Variants in CYP27A1 observed in about 807,000 individuals in gnomAD.
The protein encoded by CYP27A1 is cytochrome P450 family 27 subfamily A member 1.
CYP27A1 carries 46 observed loss-of-function variants against 58.2 expected under a neutral mutation model. That is an observed-to-expected ratio of 0.79 (90% CI 0.62 to 1.01). CYP27A1 has a LOEUF of 1.01. Among genes scored for constraint, CYP27A1 ranks in the 50% least tolerant of loss-of-function variants. The probability of loss-of-function intolerance (pLI) is 0.00; values close to 1 mark genes in which losing one functional copy is unlikely to be tolerated. For synonymous variants in CYP27A1, 274 were observed against 285.1 expected (o/e 0.96, Z 0.39); for missense variants, 704 against 687.0 (o/e 1.02, Z -0.28).
chr2:218,806,951 A>ATTTTTTT (rs10647379), intron 1 of CYP27A1, among the ~76,000 whole-genome samples: 17 of 100,496 alleles, frequency 1.7e-4, no homozygotes, highest in Non-Finnish European at 2.2e-4. Flanking sequence ...CTCCTAGGGA[A>ATTTTTTT]TTTTTTTTTT....
intron 1 of CYP27A1, among the ~76,000 whole-genome samples, chr2:218,786,659 C>T (rs770075666): frequency 6.6e-5 from 10 of 152,100 alleles, no homozygotes; most frequent in Non-Finnish European, 1.5e-4. Flanking sequence ...TATTCTGTAG[C>T]TCTTTTTGTG....
At chr2:218,813,989 G>T in intron 5 of CYP27A1, 32 bp from the exon 6 acceptor site, 1 of 1,613,514 alleles carries the variant, frequency 6.2e-7, no homozygotes, top group African/African-American at 1.3e-5. Context: ...CCTAGAAATC[G>T]CCCTCACCTG....
In CYP27A1 at chr2:218,812,389, T is replaced by G; in HGVS notation, c.614T>G (p.Met205Arg). The G allele has an allele frequency of 6.2e-7, 1 of 1,614,214 alleles. No individual in the cohort carries two copies. The highest frequency in any genetic ancestry group is 8.5e-7 in the Non-Finnish European group (1 of 1,180,038). Residue 205 changes from methionine to arginine, a missense_variant, in exon 3 of 9, where the codon ATG becomes AGG. By Grantham distance (91) the Met-to-Arg change is moderately conservative. Transcript: ENST00000258415. ...ESASGNQVSDMAQLFYYFALE... is the reference protein window; with the variant it reads ...ESASGNQVSDRAQLFYYFALE... ...GCTTCGGGGAACCAGGTGTCGGACA[T>G]GGCTCAACTCTTCTACTACTTTGCC...
Position 218,801,370 on chromosome 2 carries a change from A to G in CYP27A1, c.256-8207A>G, listed in dbSNP as rs1405979142. Among the ~76,000 whole-genome samples the G allele has an allele frequency of 2.0e-5, 3 of 152,122 alleles. No homozygotes were observed. In the East Asian group the frequency reaches 5.8e-4, roughly 29 times the overall value. On this transcript the variant is annotated intron_variant, in intron 1 of 8. Coordinates refer to ENST00000258415, the MANE Select transcript of CYP27A1 (RefSeq NM_000784.4). The stretch of plus-strand genomic sequence containing the variant: ...AATACAAAAAAATTAGCCAGGCATG[A>G]TGGTGCACACCTGTAATCCCAGCTA...
At chr2:218,800,479 T>C (rs1444970212) in intron 1 of CYP27A1, among the ~76,000 whole-genome samples, 2 of 152,302 alleles carry the variant, frequency 1.3e-5, no homozygotes, top group East Asian at 3.9e-4. Context: ...GCACTTTCTT[T>C]TCCTATAAAA....
At chr2:218,804,276 C>T (rs866009848) in intron 1 of CYP27A1, among the ~76,000 whole-genome samples, 7 of 152,110 alleles carry the variant, frequency 4.6e-5, no homozygotes, top group Non-Finnish European at 1.0e-4. Context: ...ATCCAGTGGT[C>T]CCAGTACCAT....
At chr2:218,811,802 A>G (rs1163924809) in intron 2 of CYP27A1, among the ~76,000 whole-genome samples, 2 of 152,210 alleles carry the variant, frequency 1.3e-5, no homozygotes, top group Non-Finnish European at 2.9e-5. Context: ...ATCAGTCAAT[A>G]TTCACTAAGC....
At chr2:218,799,339 G>C (rs1336900442) in intron 1 of CYP27A1, among the ~76,000 whole-genome samples, 1 of 152,136 alleles carries the variant, frequency 6.6e-6, no homozygotes. Context: ...AGACGGCACA[G>C]GGGGAGGTCA....
At chr2:218,801,647 C>T (rs1943600869) in intron 1 of CYP27A1, among the ~76,000 whole-genome samples, 2 of 152,194 alleles carry the variant, frequency 1.3e-5, no homozygotes, top group Non-Finnish European at 1.5e-5. Context: ...GGTATATCTT[C>T]ATGATATATA....
At chr2:218,792,513 T>C (rs1166832038) in intron 1 of CYP27A1, among the ~76,000 whole-genome samples, 2 of 152,176 alleles carry the variant, frequency 1.3e-5, no homozygotes, top group Non-Finnish European at 2.9e-5. Context: ...TATAACCTTT[T>C]AAAATAATTC....
At chr2:218,797,506 C>G (rs865955395) in intron 1 of CYP27A1, among the ~76,000 whole-genome samples, 1 of 152,178 alleles carries the variant, frequency 6.6e-6, no homozygotes, top group South Asian at 2.1e-4. Context: ...TAAAGAAGAT[C>G]GAACACCATT....
At chr2:218,804,015 G>A (rs765894601) in intron 1 of CYP27A1, among the ~76,000 whole-genome samples, 2 of 152,026 alleles carry the variant, frequency 1.3e-5, no homozygotes, top group Non-Finnish European at 2.9e-5. Flanking sequence ...TTACAGGTGT[G>A]AGCCACCATG....
chr2:218,784,479 T>A (rs775805917), intron 1 of CYP27A1, among the ~76,000 whole-genome samples: 1 of 152,220 alleles, frequency 6.6e-6, no homozygotes, highest in Non-Finnish European at 1.5e-5. Context: ...CATTATAGAT[T>A]AACTTCCTTT....
In CYP27A1 at chr2:218,814,400, C is replaced by A; in HGVS notation, c.1205C>A (p.Thr402Lys). 6.2e-7 allele frequency: 1 copy of A among 1,614,264 alleles called. No homozygotes were observed. The highest frequency in any genetic ancestry group is 2.2e-5 in the East Asian group (1 of 44,888). The change falls in exon 7 of 9, where the codon ACA (threonine) becomes AAA (lysine). Residue 402 changes from threonine (T) to lysine (K), a missense_variant. Thr to Lys is a moderately conservative substitution (Grantham distance 78). Coordinates refer to ENST00000258415, the MANE Select transcript of CYP27A1 (RefSeq NM_000784.4). ...ETLRLYPVVP[T>K]NSRIIEKEIE... ...TGCAGTCTCTACCCTGTGGTCCCCA[C>A]AAACTCCCGGATCATAGAAAAGGAA...
rs1480541012 is a variant in CYP27A1 at position 218,782,727 on chromosome 2, T to C, written c.255+290T>C. Among the ~76,000 whole-genome samples the C allele has an allele frequency of 6.6e-6, 1 of 152,112 alleles. No homozygotes were observed. The highest frequency in any genetic ancestry group is 1.9e-4 in the East Asian group (1 of 5,180). On this transcript the variant is annotated intron_variant, in intron 1 of 8. Coordinates refer to ENST00000258415, the MANE Select transcript of CYP27A1 (RefSeq NM_000784.4). This position sits in a 1 kb window ranked among gnomAD's most constrained non-coding sequence, Gnocchi z 4.1. ...GCAGAGGTTGAGGAGGGAGCTGTCT[T>C]GGGAAGAGAGTGGCAGAGGCAAATG...
At chr2:218,811,374 C>T (rs1430975697) in intron 2 of CYP27A1, among the ~76,000 whole-genome samples, 1 of 152,108 alleles carries the variant, frequency 6.6e-6, no homozygotes, top group Non-Finnish European at 1.5e-5. Flanking sequence ...CCATATTGTA[C>T]TTATTGCTCT....
chr2:218,813,089 T>C lies in CYP27A1; in HGVS notation c.1010T>C (p.Val337Ala), dbSNP rs759622995. Residue 337 changes from valine to alanine, a missense_variant, in exon 5 of 9, where the codon GTG becomes GCG. Val to Ala is a moderately conservative substitution (Grantham distance 64). Coordinates refer to ENST00000258415, the MANE Select transcript of CYP27A1 (RefSeq NM_000784.4). ...CTGCCTGAGCTGCTCATGGCTGGAG[T>C]GGACACGGTGCGTGAAGGGGGAGGG... The part of the protein sequence containing the change: ...GSLPELLMAG[V>A]DTTSNTLTWA... 1.9e-6 allele frequency: 3 copies of C among 1,609,344 alleles called. No homozygotes were observed. Among genetic ancestry groups the C allele is most frequent in the Non-Finnish European group, 2.5e-6 (3 of 1,176,652 alleles).
chr2:218,813,854 G>C (rs1943751535), intron 5 of CYP27A1, among the ~76,000 whole-genome samples, 167 bp from the exon 6 acceptor site: 1 of 152,096 alleles, frequency 6.6e-6, no homozygotes, highest in Non-Finnish European at 1.5e-5. Flanking sequence ...TCCCACTGTG[G>C]ATTCATGTTT....
At chr2:218,811,273 T>C (rs370531297) in intron 2 of CYP27A1, among the ~76,000 whole-genome samples, 22 of 152,228 alleles carry the variant, frequency 1.4e-4, no homozygotes, top group African/African-American at 4.3e-4. Flanking sequence ...CAACCAGTAC[T>C]GACAGTTTGT....
Sources: gnomAD v4.1 joint callset for allele counts (sites outside exome capture counted in the v4.1 genomes callset) on GRCh38, gnomAD v4.1.1 for gene constraint, Gnocchi (gnomAD v3.1) non-coding constraint, MANE v1.5 for transcripts, NCBI Gene and HGNC (gene_info 2026-07-23, HGNC 2026-07-21) for gene names.